Variants in TRPM2 observed in about 807,000 individuals in gnomAD.
TRPM2 encodes estrogen-responsive element-associated gene 1 protein.
Under a neutral mutation model 174.0 loss-of-function variants are expected in TRPM2, and 161 were observed. That is an observed-to-expected ratio of 0.93 (90% CI 0.81 to 1.05). The LOEUF is 1.05. Ranked by LOEUF, TRPM2 falls within the 50% of genes least tolerant of loss-of-function variation. The pLI is 0.00. For missense variants in TRPM2, 2,057 were observed against 2,038.0 expected (o/e 1.01, Z -0.18); for synonymous variants, 954 against 861.3 (o/e 1.11, Z -1.88).
In TRPM2 at chr21:44,366,795, C is replaced by T. The variant is rs1208348311; in HGVS notation, c.465C>T (p.Tyr155=). 2 of 1,613,862 alleles carry T rather than the reference C, an allele frequency of 1.2e-6. No individual in the cohort carries two copies. The highest frequency in any genetic ancestry group is 2.7e-5 in the African/African-American group (2 of 74,878). The change falls in exon 4 of 32, where the codon TAC becomes TAT. Residue 155 remains tyrosine (Y), a synonymous_variant. Transcript: ENST00000397928. This position sits in a 1 kb window ranked among gnomAD's most constrained non-coding sequence, Gnocchi z 6.0. ...VSQDTPSSVI[Y]HLMTQHWGLD... is the part of the protein sequence containing the mutation. Reference sequence around the variant, plus strand: ...AGGACACGCCCTCCAGCGTGATCTACCACCTCATGACCCAGCACTGGGGGC... The same window carrying T: ...AGGACACGCCCTCCAGCGTGATCTATCACCTCATGACCCAGCACTGGGGGC...
intron 9 of TRPM2, among the ~76,000 whole-genome samples, chr21:44,386,395 G>C (rs543317589): frequency 2.6e-5 from 4 of 151,992 alleles, no homozygotes; most frequent in African/African-American, 9.7e-5. Context: ...GTGACAGCAA[G>C]ACTCCGTTCC....
intron 9 of TRPM2, among the ~76,000 whole-genome samples, chr21:44,390,270 G>T (rs114729134): frequency 7.9e-5 from 12 of 152,076 alleles, no homozygotes; most frequent in African/African-American, 2.7e-4. Flanking sequence ...GTTTTCTGAC[G>T]GCAGTTTTGT....
chr21:44,362,705 G>A (rs924889395), intron 2 of TRPM2, among the ~76,000 whole-genome samples: 1 of 152,082 alleles, frequency 6.6e-6, no homozygotes, highest in Non-Finnish European at 1.5e-5. Context: ...CTTTTAGGGT[G>A]TGTCTGCTCG....
Position 44,417,945 on chromosome 21 carries a change from G to T in TRPM2, c.3165G>T (p.Val1055=). Residue 1055 remains valine (V), a synonymous_variant, in exon 21 of 32, where the codon GTG becomes GTT. Transcript: ENST00000397928. ...IAMFNYTFQQ[V]QEHTDQIWKF... is the part of the protein sequence containing the mutation. Reference sequence around the variant, plus strand: ...CTGACAGCTACACCTTCCAGCAGGTGCAGGAGCACACGGACCAGATTTGGA... The same window carrying T: ...CTGACAGCTACACCTTCCAGCAGGTTCAGGAGCACACGGACCAGATTTGGA... 2 of 1,612,416 alleles carry T rather than the reference G, an allele frequency of 1.2e-6. No individual in the cohort carries two copies. The highest frequency in any genetic ancestry group is 8.5e-7 in the Non-Finnish European group (1 of 1,179,866).
chr21:44,435,999 C>T (rs1177156060), intron 28 of TRPM2, among the ~76,000 whole-genome samples: 1 of 150,820 alleles, frequency 6.6e-6, no homozygotes, highest in East Asian at 2.0e-4. Context: ...GCCCCACACT[C>T]ACCCCCTCAG....
In TRPM2 at chr21:44,439,242, G is replaced by A; in HGVS notation, c.4269+74G>A. ...CAGGACAAACACAGTGTGATACTGG[G>A]GACCTGCCCCAGCACCACTGGGTGG... On this transcript the variant is annotated intron_variant, in intron 30 of 31. Transcript: ENST00000397928. The surrounding 1 kb of genome is among the most constrained non-coding windows in gnomAD (Gnocchi z 5.1). The A allele has an allele frequency of 7.1e-7, 1 of 1,405,022 alleles. No individual in the cohort carries two copies. The highest frequency in any genetic ancestry group is 1.2e-5 in the South Asian group (1 of 85,102). The allele number at this position is 1,405,022 out of a possible 1,614,324, so 87.0% of individuals were successfully genotyped here.
chr21:44,409,622 C>T (rs928167548), intron 19 of TRPM2, among the ~76,000 whole-genome samples: 6 of 141,228 alleles, frequency 4.2e-5, no homozygotes, highest in African/African-American at 1.4e-4. Flanking sequence ...TGAGTTTTGA[C>T]TGCACTGTCT....
In TRPM2 at chr21:44,399,629, A is replaced by G. The variant is rs1443052344; in HGVS notation, c.2208+188A>G. 6.6e-6 allele frequency among the ~76,000 whole-genome samples: 1 copy of G among 152,178 alleles called. No homozygotes were observed. Among genetic ancestry groups the G allele is most frequent in the African/African-American group, 2.4e-5 (1 of 41,458 alleles). ...GCCTCCCATTTTGCAGATGGGGGGA[A>G]GCTAACATGAAGCAAAAGCAGGAGC... On this transcript the variant is annotated intron_variant, in intron 14 of 31. Coordinates refer to ENST00000397928, the MANE Select transcript of TRPM2 (RefSeq NM_003307.4). This position sits in a 1 kb window ranked among gnomAD's most constrained non-coding sequence, Gnocchi z 4.6.
At chr21:44,422,420 G>A (rs1277755267) in intron 22 of TRPM2, 4 of 1,535,956 alleles carry the variant, frequency 2.6e-6, no homozygotes, top group Non-Finnish European at 3.5e-6. Context: ...AACATGGCAG[G>A]TGCGGTTAAG....
chr21:44,364,291 C>T lies in TRPM2; in HGVS notation c.423+9C>T, dbSNP rs916317132. 5.7e-5 allele frequency: 92 copies of T among 1,613,452 alleles called. No individual in the cohort carries two copies. The highest frequency in any genetic ancestry group is 7.5e-5 in the Non-Finnish European group (89 of 1,179,664). On this transcript the variant is annotated intron_variant, in intron 3 of 31. Coordinates refer to ENST00000397928, the MANE Select transcript of TRPM2 (RefSeq NM_003307.4). ...GCCAGAAGGTGAAAAAGGTTGGTTT[C>T]CATCACTCTCGCTCTGAACTGTAGG...
Position 44,366,926 on chromosome 21 carries a change from AG to A in TRPM2, c.597del (p.Thr200ProfsTer16). 1 of 1,588,902 alleles carries A rather than the reference AG, an allele frequency of 6.3e-7. No homozygotes were observed. The highest frequency in any genetic ancestry group is 1.3e-5 in the African/African-American group (1 of 74,502). On this transcript the variant is annotated frameshift_variant, in exon 4 of 32. Coordinates refer to ENST00000397928, the MANE Select transcript of TRPM2 (RefSeq NM_003307.4). LOFTEE classifies it high-confidence loss of function. The surrounding 1 kb of genome is among the most constrained non-coding windows in gnomAD (Gnocchi z 6.0). ...IFRRGLVKVAQTTGAWIITGG... is the reference protein window; with the variant it reads ...IFRRGLVKVAXTTGAWIITGG... The stretch of plus-strand genomic sequence containing the variant: ...CGCAGAGGCCTGGTCAAGGTGGCTC[AG>A]ACCACAGGTAACTCGGAGGCTGGAG...
chr21:44,370,095 C>T (rs1177361141), intron 5 of TRPM2, among the ~76,000 whole-genome samples: 2 of 152,212 alleles, frequency 1.3e-5, no homozygotes, highest in East Asian at 1.9e-4. Context: ...CCCGGACAAA[C>T]GGCTAACTTG....
In TRPM2 at chr21:44,376,126, G is replaced by C; in HGVS notation, c.952+113G>C. Reference sequence around the variant, plus strand: ...TTCAACAGGCCTGGCGTTTGGCAGAGAGTGCAGTGGGCTGGTCAGAGTGTC... The same window carrying C: ...TTCAACAGGCCTGGCGTTTGGCAGACAGTGCAGTGGGCTGGTCAGAGTGTC... On this transcript the variant is annotated intron_variant, in intron 6 of 31. Coordinates refer to ENST00000397928, the MANE Select transcript of TRPM2 (RefSeq NM_003307.4). This position sits in a 1 kb window ranked among gnomAD's most constrained non-coding sequence, Gnocchi z 4.2. 1 of 1,289,850 alleles carries C rather than the reference G, an allele frequency of 7.8e-7. No homozygotes were observed. 79.9% of individuals were successfully genotyped at this position (1,289,850 alleles called of 1,614,324 possible). A position where few individuals can be genotyped will look rare whatever the true frequency, so the allele number is the denominator to read the frequency against.
At chr21:44,426,284 T>C (rs1473645319) in intron 25 of TRPM2, among the ~76,000 whole-genome samples, 1 of 152,160 alleles carries the variant, frequency 6.6e-6, no homozygotes, top group African/African-American at 2.4e-5. Context: ...GCAGGGCTTC[T>C]CTCTGGCCTA....
In TRPM2 at chr21:44,440,867, C is replaced by T. The variant is rs780406387; in HGVS notation, c.4348C>T (p.Gln1450Ter). The change falls in exon 31 of 32, where the codon CAG becomes TAG. Residue 1450 changes from glutamine (Q) to a stop codon, truncating the protein, a stop_gained. Coordinates refer to ENST00000397928, the MANE Select transcript of TRPM2 (RefSeq NM_003307.4). LOFTEE classifies it low-confidence loss of function (END_TRUNC). ...GACGGTGGCCGTCAGCGTCCACTTC[C>T]AGGACCAGAATGACGTGGAGCTGAA... is the stretch of plus-strand genomic sequence containing the variant. ...IETVAVSVHFQDQNDVELNRL... is the reference protein window; with the variant it reads ...IETVAVSVHF 1.4e-5 allele frequency: 22 copies of T among 1,613,856 alleles called. No homozygotes were observed. Among genetic ancestry groups the T allele is most frequent in the East Asian group, 4.5e-5 (2 of 44,888 alleles).
intron 16 of TRPM2, among the ~76,000 whole-genome samples, chr21:44,404,182 CA>C (rs532367761): frequency 6.6e-6 from 1 of 151,946 alleles, no homozygotes; most frequent in Non-Finnish European, 1.5e-5. Context: ...CATGCACACA[CA>C]AAAACATGCA....
chr21:44,406,529 T>G, intron 18 of TRPM2, 65 bp from the exon 19 acceptor site: 1 of 1,525,776 alleles, frequency 6.6e-7, no homozygotes, highest in Non-Finnish European at 8.8e-7. Context: ...CTGCTGGGCC[T>G]GCCTCTGGGC....
In TRPM2 at chr21:44,440,879, G is replaced by C; in HGVS notation, c.4360G>C (p.Asp1454His). Residue 1454 changes from aspartate (D) to histidine (H), a missense_variant, in exon 31 of 32, where the codon GAC (aspartate) becomes CAC (histidine). Asp to His is a moderately conservative substitution (Grantham distance 81, BLOSUM62 -1). Coordinates refer to ENST00000397928, the MANE Select transcript of TRPM2 (RefSeq NM_003307.4). ...AVSVHFQDQN[D>H]VELNRLNSNL... ...CAGCGTCCACTTCCAGGACCAGAAT[G>C]ACGTGGAGCTGAACAGGCTGAACTC... 4 of 1,613,930 alleles carry C rather than the reference G, an allele frequency of 2.5e-6. No individual in the cohort carries two copies. The highest frequency in any genetic ancestry group is 3.4e-6 in the Non-Finnish European group (4 of 1,179,970).
intron 16 of TRPM2, among the ~76,000 whole-genome samples, chr21:44,404,201 A>G (rs904917881): frequency 6.6e-6 from 1 of 151,974 alleles, no homozygotes. Context: ...GCAAATACAC[A>G]TATACACAGA....
Sources: allele counts gnomAD v4.1 joint callset (sites outside exome capture counted in the v4.1 genomes callset), GRCh38; gene constraint gnomAD v4.1.1; non-coding constraint Gnocchi (gnomAD v3.1); transcripts MANE v1.5; gene names NCBI Gene and HGNC (gene_info 2026-07-23, HGNC 2026-07-21).